The following UGGT1 variants were observed in gnomAD, a reference collection of about 807,000 sequenced individuals.
UGGT1 encodes UDP-glucose:glycoprotein glucosyltransferase 1.
A neutral mutation model predicts 203.9 loss-of-function variants in UGGT1; 107 were observed. That is an observed-to-expected ratio of 0.52 (90% confidence interval 0.45 to 0.62). The LOEUF (loss-of-function observed/expected upper bound fraction) is 0.62. Ranked by LOEUF, UGGT1 falls within the 20% of genes least tolerant of loss-of-function variation. UGGT1 has a pLI of 0.00. For missense variants in UGGT1, 1,673 were observed against 1,867.2 expected (o/e 0.90, Z 1.92); for synonymous variants, 628 against 653.5 (o/e 0.96, Z 0.59).
intron 31 of UGGT1, 116 bp from the exon 32 acceptor site, chr2:128,176,698 T>C (rs1691413892): frequency 2.1e-6 from 2 of 944,368 alleles, no homozygotes; most frequent in African/African-American, 3.3e-5. Context: ...AGCAAGAAGA[T>C]AGCTGGATCT....
intron 1 of UGGT1, among the ~76,000 whole-genome samples, chr2:128,096,399 G>C (rs1234391605): frequency 1.3e-5 from 2 of 152,166 alleles, no homozygotes; most frequent in African/African-American, 4.8e-5. Context: ...CCTTACTCAG[G>C]GTTTCACAGG....
At position 128,180,998 on chromosome 2, in the gene UGGT1, G is replaced by A; in HGVS notation, c.4009G>A (p.Gly1337Ser). Residue 1337 changes from glycine (G) to serine (S), a missense_variant, in exon 36 of 41, where the codon GGT (glycine) becomes AGT (serine). Transcript: ENST00000259253. ...QQTEKQRIIW[G>S]YKILFLDVLF... is the part of the protein sequence containing the mutation. The stretch of plus-strand genomic sequence containing the variant: ...AACTGAAAAACAGCGTATCATCTGG[G>A]GTTACAAGATCCTCTTCCTGGATGT... 1 of 1,614,160 alleles carries A rather than the reference G, an allele frequency of 6.2e-7. No individual in the cohort carries two copies. The highest frequency in any genetic ancestry group is 8.5e-7 in the Non-Finnish European group (1 of 1,180,018).
Position 128,145,892 on chromosome 2 carries a change from C to T in UGGT1, c.1941C>T (p.Asp647=), listed in dbSNP as rs1333839660. 1 of 1,614,142 alleles carries T rather than the reference C, an allele frequency of 6.2e-7. No homozygotes were observed. Among genetic ancestry groups the T allele is most frequent in the South Asian group, 1.1e-5 (1 of 91,078 alleles). ...TGCCCTTTGAAAGGGAACAGCTAGA[C>T]CCTGATGAGTTAGAAACCATCACAA... is the stretch of plus-strand genomic sequence containing the variant. ...NGMPFEREQL[D]PDELETITMH... Residue 647 remains aspartate (D), a synonymous_variant, in exon 18 of 41, where the codon GAC becomes GAT. Coordinates refer to ENST00000259253, the MANE Select transcript of UGGT1 (RefSeq NM_020120.4).
Position 128,171,264 on chromosome 2 carries a change from T to C in UGGT1, c.3084T>C (p.Leu1028=). ...TATTTATGAACTGCCAATCCAAACTTTCTGACATGCCTTTAAAAAGGTAAA... is the reference window on the plus strand; with the variant it reads ...TATTTATGAACTGCCAATCCAAACTCTCTGACATGCCTTTAAAAAGGTAAA... The part of the protein sequence containing the change: ...LRVFMNCQSK[L]SDMPLKSFYR... Residue 1028 remains leucine, a synonymous_variant, in exon 28 of 41, where the codon CTT becomes CTC. Transcript: ENST00000259253. 6.2e-7 allele frequency: 1 copy of C among 1,613,532 alleles called. No homozygotes were observed. The highest frequency in any genetic ancestry group is 8.5e-7 in the Non-Finnish European group (1 of 1,179,834).
chr2:128,143,062 T>C (rs762611054), intron 16 of UGGT1, 32 bp from the exon 17 acceptor site: 1 of 1,547,864 alleles, frequency 6.5e-7, no homozygotes, highest in Non-Finnish European at 8.7e-7. Flanking sequence ...AACTTAAAAG[T>C]GTAGTTAACC....
chr2:128,103,794 AAG>A (rs1318508798), intron 2 of UGGT1, 136 bp from the exon 3 acceptor site: 10 of 359,664 alleles, frequency 2.8e-5, no homozygotes, highest in Admixed American at 1.4e-4. Flanking sequence ...TTATACATAA[AAG>A]AGTATTATAT....
At position 128,097,519 on chromosome 2, in the gene UGGT1, C is replaced by G. The variant is rs1353377018; in HGVS notation, c.149C>G (p.Ser50Cys). Residue 50 changes from serine to cysteine, a missense_variant, in exon 2 of 41, where the codon TCT becomes TGT. By Grantham distance (112) the Ser-to-Cys change is moderately radical (BLOSUM62 -1). Transcript: ENST00000259253. ...VKADSKAITT[S>C]LTTKWFSTPL... ...GCCGACTCAAAAGCCATTACAACCT[C>G]TCTTACAACAAAATGGTTTTCCACT... 2 of 1,614,104 alleles carry G rather than the reference C, an allele frequency of 1.2e-6. No individual in the cohort carries two copies. Among genetic ancestry groups the G allele is most frequent in the Non-Finnish European group, 1.7e-6 (2 of 1,180,042 alleles).
intron 4 of UGGT1, 137 bp from the exon 5 acceptor site, chr2:128,109,497 C>T: frequency 4.3e-6 from 3 of 692,234 alleles, no homozygotes; most frequent in South Asian, 1.8e-5. Flanking sequence ...GCTGGGATTA[C>T]AGGCACGAGC....
intron 17 of UGGT1, among the ~76,000 whole-genome samples, chr2:128,145,016 T>A (rs1295312846): frequency 6.6e-6 from 1 of 152,152 alleles, no homozygotes; most frequent in East Asian, 1.9e-4. Context: ...ACATTTGCCG[T>A]TTTGTTGCCC....
chr2:128,109,987 A>G (rs1304142917), intron 5 of UGGT1, among the ~76,000 whole-genome samples: 1 of 152,204 alleles, frequency 6.6e-6, no homozygotes, highest in Non-Finnish European at 1.5e-5. Context: ...ACAAGTATTT[A>G]GTATTAACTG....
chr2:128,172,451 A>G (rs1691152620), intron 28 of UGGT1, 122 bp from the exon 29 acceptor site: 1 of 1,248,316 alleles, frequency 8.0e-7, no homozygotes, highest in Non-Finnish European at 1.1e-6. Context: ...ACTTTTCCCA[A>G]TCTGGAAGGG....
intron 3 of UGGT1, among the ~76,000 whole-genome samples, chr2:128,106,052 G>A (rs1003004765): frequency 1.3e-5 from 2 of 150,990 alleles, no homozygotes; most frequent in Non-Finnish European, 1.5e-5. Flanking sequence ...CCTGCCTCTC[G>A]CCTTGGCCTC....
At chr2:128,135,918 G>C (rs1689110718) in intron 15 of UGGT1, among the ~76,000 whole-genome samples, 1 of 152,226 alleles carries the variant, frequency 6.6e-6, no homozygotes, top group Non-Finnish European at 1.5e-5. Flanking sequence ...CATCTGGTTA[G>C]ATGGAAGAAC....
At chr2:128,145,413 T>A (rs1253706128) in intron 17 of UGGT1, among the ~76,000 whole-genome samples, 1 of 152,138 alleles carries the variant, frequency 6.6e-6, no homozygotes, top group Non-Finnish European at 1.5e-5. Flanking sequence ...AGATAGAATA[T>A]TTCCATCATT....
At chr2:128,119,045 AG>A (rs1688256205) in intron 8 of UGGT1, among the ~76,000 whole-genome samples, 1 of 152,208 alleles carries the variant, frequency 6.6e-6, no homozygotes, top group Admixed American at 6.5e-5. Flanking sequence ...CTAGAGTGTC[AG>A]ATTTCAATTT....
At position 128,097,193 on chromosome 2, in the gene UGGT1, T is replaced by G. The variant is rs555962776; in HGVS notation, c.59-236T>G. Among the ~76,000 whole-genome samples the G allele has an allele frequency of 5.3e-5, 8 of 152,050 alleles. No homozygotes were observed. In the South Asian group the frequency reaches 1.0e-3, roughly 20 times the overall value. On this transcript the variant is annotated intron_variant, in intron 1 of 40. Coordinates refer to ENST00000259253, the MANE Select transcript of UGGT1 (RefSeq NM_020120.4). ...AGTTTGAGACCAGCCTGGCCAACATTGTGAAACCCTGTCTCTACTAAAGAT... is the reference window on the plus strand; with the variant it reads ...AGTTTGAGACCAGCCTGGCCAACATGGTGAAACCCTGTCTCTACTAAAGAT...
At chr2:128,177,756 C>A in intron 32 of UGGT1, 76 bp from the exon 33 acceptor site, 3 of 1,187,382 alleles carry the variant, frequency 2.5e-6, no homozygotes, top group Middle Eastern at 2.0e-4. Context: ...GACAGGCTCA[C>A]AGTGTATATC....
chr2:128,189,587 A>T, intron 40 of UGGT1, 130 bp from the exon 41 acceptor site: 2 of 951,398 alleles, frequency 2.1e-6, no homozygotes, highest in African/African-American at 3.3e-5. Flanking sequence ...AATCCCAAAG[A>T]TTTAGTAAGT....
chr2:128,149,710 T>C (rs989609854), intron 18 of UGGT1, among the ~76,000 whole-genome samples: 3 of 145,890 alleles, frequency 2.1e-5, no homozygotes, highest in African/African-American at 5.1e-5. Flanking sequence ...GAGGCAGAGG[T>C]TCCCTCTGGG....
Sources: gnomAD v4.1 joint callset for allele counts (sites outside exome capture counted in the v4.1 genomes callset) on GRCh38, gnomAD v4.1.1 for gene constraint, MANE v1.5 for transcripts, NCBI Gene and HGNC (gene_info 2026-07-23, HGNC 2026-07-21) for gene names.